Variants in FAM210A observed in about 807,000 individuals in gnomAD.
FAM210A encodes family with sequence similarity 210 member A.
Under a neutral mutation model 25.3 loss-of-function variants are expected in FAM210A, and 13 were observed. The ratio of observed to expected loss-of-function variants is 0.51; its 90% confidence interval spans 0.33 to 0.82. FAM210A has a LOEUF of 0.82. FAM210A is among the 40% of genes least tolerant of loss of function. The pLI, the probability that FAM210A is intolerant of heterozygous loss-of-function variation, is 0.02. For missense variants in FAM210A, 319 were observed against 323.2 expected (o/e 0.99, Z 0.10); for synonymous variants, 125 against 118.7 (o/e 1.05, Z -0.35).
chr18:13,695,344 C>T (rs150424040), intron 1 of FAM210A, among the ~76,000 whole-genome samples: 22,831 of 152,136 alleles, frequency 0.15, 1,829 homozygotes, highest in Non-Finnish European at 0.17. Context: ...TACCATTTGA[C>T]CCAGCCATCC....
Position 13,666,539 on chromosome 18 carries a change from G to A in FAM210A, c.760C>T (p.Leu254Phe), listed in dbSNP as rs965784338. The A allele has an allele frequency of 1.2e-6, 2 of 1,613,974 alleles. No individual in the cohort carries two copies. Among genetic ancestry groups the A allele is most frequent in the African/African-American group, 2.7e-5 (2 of 74,872 alleles). ...TEKMEETKDRLTEKLQETKEK... is the reference protein window; with the variant it reads ...TEKMEETKDRFTEKLQETKEK... ...TTGGTTTCTTGTAACTTTTCAGTGA[G>A]TCTATCTTTTGTTTCTTCCATTTTC... Residue 254 changes from leucine (L) to phenylalanine (F), a missense_variant, in exon 4 of 4, where the codon CTC becomes TTC. Coordinates refer to ENST00000651643, the MANE Select transcript of FAM210A (RefSeq NM_152352.4).
chr18:13,693,791 A>C (rs1386736122), intron 1 of FAM210A, among the ~76,000 whole-genome samples: 1 of 152,198 alleles, frequency 6.6e-6, no homozygotes, highest in African/African-American at 2.4e-5. Context: ...AATGAGCAAA[A>C]ACTGGAAGCA....
At chr18:13,693,316 C>A (rs1186651767) in intron 1 of FAM210A, among the ~76,000 whole-genome samples, 1 of 152,186 alleles carries the variant, frequency 6.6e-6, no homozygotes, top group African/African-American at 2.4e-5. Flanking sequence ...ACCAGAGGTA[C>A]AAAGAGGAGC....
intron 2 of FAM210A, among the ~76,000 whole-genome samples, chr18:13,678,578 C>T (rs2043524216): frequency 6.6e-6 from 1 of 152,230 alleles, no homozygotes; most frequent in Non-Finnish European, 1.5e-5. Context: ...GCGTGAGCCA[C>T]TGTGCCCGGC....
At chr18:13,723,293 C>T (rs1031618424) in intron 1 of FAM210A, among the ~76,000 whole-genome samples, 67 of 152,280 alleles carry the variant, frequency 4.4e-4, no homozygotes, top group African/African-American at 1.5e-3. Flanking sequence ...ATTCTGCTCA[C>T]TAGAAGCACT....
rs2043384028 is a variant in FAM210A, at chr18:13,664,476, A to G, written c.*2004T>C. ...AAGGAACATGTTTAATATCTTAAAA[A>G]ACAGCACTTAAACCTGCAAAAATGT... On this transcript the variant is annotated 3_prime_UTR_variant, in exon 4 of 4. Coordinates refer to ENST00000651643, the MANE Select transcript of FAM210A (RefSeq NM_152352.4). 1 of 152,234 alleles carries G rather than the reference A, an allele frequency of 6.6e-6. No individual in the cohort carries two copies. The highest frequency in any genetic ancestry group is 6.5e-5 in the Admixed American group (1 of 15,286). 9.4% of individuals were successfully genotyped at this position (152,234 alleles called of 1,614,324 possible).
Position 13,681,643 on chromosome 18 carries a change from A to G in FAM210A, c.435T>C (p.Ser145=), listed in dbSNP as rs745718079. The G allele has an allele frequency of 1.5e-5, 24 of 1,611,642 alleles. No homozygotes were observed. The highest frequency in any genetic ancestry group is 2.7e-5 in the African/African-American group (2 of 74,698). ...KVLIPVHLIT[S]GVWFGTFYYA... is the part of the protein sequence containing the mutation. ...AATAAAATGTTCCAAACCAAACACC[A>G]GAAGTTATTAGATGCACTGGAATCA... is the stretch of plus-strand genomic sequence containing the variant. Residue 145 remains serine (S), a synonymous_variant, in exon 2 of 4, where the codon TCT becomes TCC. Transcript: ENST00000651643.
At chr18:13,687,696 G>C (rs944402062) in intron 1 of FAM210A, 3 of 152,206 alleles carry the variant, frequency 2.0e-5, no homozygotes, top group African/African-American at 7.2e-5. Context: ...CACTGGAAGT[G>C]GGTCAGCCTA....
chr18:13,720,934 C>T (rs1338744394), intron 1 of FAM210A, among the ~76,000 whole-genome samples: 2 of 152,140 alleles, frequency 1.3e-5, no homozygotes, highest in East Asian at 3.9e-4. Flanking sequence ...ATATGGCATT[C>T]TCCCTGTGTG....
chr18:13,689,011 A>C (rs1254016258), intron 1 of FAM210A, among the ~76,000 whole-genome samples: 1 of 152,226 alleles, frequency 6.6e-6, no homozygotes, highest in Admixed American at 6.5e-5. Flanking sequence ...TGAGCGGGGC[A>C]GGCCAAGTAA....
chr18:13,703,353 C>A (rs1601961644), intron 1 of FAM210A, among the ~76,000 whole-genome samples: 1 of 152,210 alleles, frequency 6.6e-6, no homozygotes, highest in Non-Finnish European at 1.5e-5. Context: ...CCCAACCCCA[C>A]TGAAAGATAA....
intron 1 of FAM210A, among the ~76,000 whole-genome samples, chr18:13,708,185 T>C (rs1222025869): frequency 2.6e-5 from 4 of 152,220 alleles, no homozygotes; most frequent in African/African-American, 9.6e-5. Context: ...CTGGGTTTGA[T>C]TAATTTGCTA....
rs571996751 is a variant in FAM210A, at chr18:13,697,071, G to A, written c.-28-14966C>T. ...CTTACAGTATTCAGTACAGTAATGC[G>A]CTGTACAGGTTTGTGGCCTAGGAAC... is the stretch of plus-strand genomic sequence containing the variant. On this transcript the variant is annotated intron_variant, in intron 1 of 3. Transcript: ENST00000651643. Among the ~76,000 whole-genome samples the A allele has an allele frequency of 5.9e-5, 9 of 152,258 alleles. No homozygotes were observed. In the South Asian group the frequency reaches 6.2e-4, roughly 11 times the overall value.
intron 1 of FAM210A, among the ~76,000 whole-genome samples, chr18:13,705,747 C>T (rs2043773407): frequency 6.6e-6 from 1 of 152,210 alleles, no homozygotes; most frequent in South Asian, 2.1e-4. Flanking sequence ...GCCAGGATTA[C>T]AGGCATGAGA....
intron 1 of FAM210A, among the ~76,000 whole-genome samples, chr18:13,686,343 C>A (rs966770119): frequency 7.1e-6 from 1 of 140,118 alleles, no homozygotes; most frequent in Admixed American, 7.6e-5. Context: ...CTTGTTATTG[C>A]CATAAGTAAC....
At chr18:13,715,008 T>C (rs887149566) in intron 1 of FAM210A, 17 of 151,136 alleles carry the variant, frequency 1.1e-4, no homozygotes, top group African/African-American at 3.9e-4. Flanking sequence ...GGTTACTGGA[T>C]ATATATATAT....
chr18:13,664,775 T>G lies in FAM210A; in HGVS notation c.*1705A>C, dbSNP rs145943660. On this transcript the variant is annotated 3_prime_UTR_variant, in exon 4 of 4. Transcript: ENST00000651643. ...TTTTTTTCCCCTTTAAACTATACTC[T>G]AAATTTGGCCAAACTAAGTACTTGA... The G allele has an allele frequency of 6.6e-6, 1 of 152,330 alleles. No individual in the cohort carries two copies. The highest frequency in any genetic ancestry group is 1.5e-5 in the Non-Finnish European group (1 of 68,038). 9.4% of individuals were successfully genotyped at this position (152,330 alleles called of 1,614,324 possible).
intron 1 of FAM210A, among the ~76,000 whole-genome samples, chr18:13,708,229 G>T (rs1016955611): frequency 3.9e-5 from 6 of 152,210 alleles, no homozygotes; most frequent in Non-Finnish European, 7.3e-5. Flanking sequence ...AAAAAATATT[G>T]CAGAGGATAC....
At chr18:13,700,605 A>G (rs1294440023) in intron 1 of FAM210A, among the ~76,000 whole-genome samples, 1 of 152,176 alleles carries the variant, frequency 6.6e-6, no homozygotes, top group African/African-American at 2.4e-5. Context: ...AGCAATCCCC[A>G]CACTTTAGCC....
Sources: gnomAD v4.1 joint callset for allele counts (sites outside exome capture counted in the v4.1 genomes callset) on GRCh38, gnomAD v4.1.1 for gene constraint, MANE v1.5 for transcripts, NCBI Gene and HGNC (gene_info 2026-07-23, HGNC 2026-07-21) for gene names.